Variants in CTNNA3 observed in about 807,000 individuals in gnomAD.
The protein encoded by CTNNA3 is catenin alpha-3.
In CTNNA3, 76 loss-of-function variants were observed where a neutral mutation model predicts 95.7. The observed-to-expected ratio is 0.79, with a 90% CI of 0.66 to 0.96. The LOEUF (loss-of-function observed/expected upper bound fraction) is 0.96. Among genes scored for constraint, CTNNA3 ranks in the 40% least tolerant of loss-of-function variants. CTNNA3 has a pLI of 0.00. For synonymous variants in CTNNA3, 431 were observed against 374.4 expected (o/e 1.15, Z -1.74); for missense variants, 1,191 against 1,089.8 (o/e 1.09, Z -1.31).
intron 13 of CTNNA3, among the ~76,000 whole-genome samples, chr10:66,113,916 C>T (rs2082213009): frequency 6.6e-6 from 1 of 152,002 alleles, no homozygotes; most frequent in South Asian, 2.1e-4. Context: ...TACCATTACT[C>T]TTCTTGATCT....
At chr10:66,346,365 G>A (rs1410094706) in intron 12 of CTNNA3, among the ~76,000 whole-genome samples, 1 of 150,280 alleles carries the variant, frequency 6.7e-6, no homozygotes, top group African/African-American at 2.4e-5. Flanking sequence ...TGCAACCCAC[G>A]CCTCCTGAGT....
chr10:67,594,829 A>G (rs1842890348), intron 3 of CTNNA3, among the ~76,000 whole-genome samples: 1 of 151,850 alleles, frequency 6.6e-6, no homozygotes, highest in Non-Finnish European at 1.5e-5. Flanking sequence ...TGCACCCATC[A>G]CTCGAGCAGT....
chr10:66,189,842 T>G (rs1460249790), intron 13 of CTNNA3, among the ~76,000 whole-genome samples: 2 of 151,970 alleles, frequency 1.3e-5, no homozygotes, highest in African/African-American at 4.8e-5. Flanking sequence ...CTTTAATATT[T>G]TTATGACAAG....
intron 11 of CTNNA3, among the ~76,000 whole-genome samples, chr10:66,419,376 G>A (rs190554251): frequency 2.0e-5 from 3 of 152,112 alleles, no homozygotes; most frequent in African/African-American, 7.2e-5. Context: ...AGAATCTGAT[G>A]AAAGAAATTG....
chr10:66,290,482 A>G (rs2091663162), intron 12 of CTNNA3, among the ~76,000 whole-genome samples: 1 of 152,128 alleles, frequency 6.6e-6, no homozygotes, highest in African/African-American at 2.4e-5. Flanking sequence ...ATACTTGAAA[A>G]GACTTTTCCT....
At chr10:67,104,945 A>AT (rs1858545820) in intron 7 of CTNNA3, among the ~76,000 whole-genome samples, 1 of 152,040 alleles carries the variant, frequency 6.6e-6, no homozygotes, top group African/African-American at 2.4e-5. Context: ...ACCATACAGA[A>AT]ATGTTATCTG....
At chr10:66,329,069 G>C (rs1027026596) in intron 12 of CTNNA3, among the ~76,000 whole-genome samples, 1 of 150,864 alleles carries the variant, frequency 6.6e-6, no homozygotes, top group African/African-American at 2.4e-5. Context: ...TCCGGCCTCA[G>C]CCTCTCGAGT....
At chr10:65,933,823 A>G (rs1164147581) in intron 17 of CTNNA3, among the ~76,000 whole-genome samples, 9 of 152,198 alleles carry the variant, frequency 5.9e-5, no homozygotes, top group Admixed American at 2.6e-4. Context: ...TATTCAGGCA[A>G]TTAAACCAGA....
At chr10:67,079,416 A>G (rs1368005022) in intron 7 of CTNNA3, among the ~76,000 whole-genome samples, 2 of 152,216 alleles carry the variant, frequency 1.3e-5, no homozygotes, top group Non-Finnish European at 2.9e-5. Context: ...TCTACATAAA[A>G]CATTTATTTC....
intron 1 of CTNNA3, among the ~76,000 whole-genome samples, chr10:67,753,086 A>G (rs1450162281): frequency 6.6e-6 from 1 of 152,218 alleles, no homozygotes; most frequent in Non-Finnish European, 1.5e-5. Context: ...GCAAGGCAAT[A>G]GTAACCAAAA....
chr10:66,772,189 G>C (rs184735547), intron 8 of CTNNA3, among the ~76,000 whole-genome samples: 41 of 152,256 alleles, frequency 2.7e-4, no homozygotes, highest in African/African-American at 9.1e-4. Context: ...ACTTTGGGAG[G>C]CCGAGGTGGG....
intron 14 of CTNNA3, among the ~76,000 whole-genome samples, chr10:66,087,051 T>C (rs2081011443): frequency 6.6e-6 from 1 of 152,022 alleles, no homozygotes; most frequent in Non-Finnish European, 1.5e-5. Flanking sequence ...AACATGGTGA[T>C]TCCTTCTTCC....
chr10:66,170,846 A>G (rs1389629577), intron 13 of CTNNA3, among the ~76,000 whole-genome samples: 1 of 152,118 alleles, frequency 6.6e-6, no homozygotes. Flanking sequence ...GAAATATCTA[A>G]CAAGGGGCTG....
chr10:66,644,828 G>T (rs1405710290), intron 9 of CTNNA3, among the ~76,000 whole-genome samples: 1 of 152,044 alleles, frequency 6.6e-6, no homozygotes, highest in African/African-American at 2.4e-5. Flanking sequence ...CACCACCGCA[G>T]TCAAGATGTT....
At chr10:67,182,163 CTT>C (rs1862585330) in intron 6 of CTNNA3, among the ~76,000 whole-genome samples, 1 of 152,144 alleles carries the variant, frequency 6.6e-6, no homozygotes, top group Non-Finnish European at 1.5e-5. Context: ...CTACCAATGA[CTT>C]TCTTCACAGA....
intron 3 of CTNNA3, among the ~76,000 whole-genome samples, chr10:67,550,934 T>C (rs565137110): frequency 9.9e-5 from 15 of 152,282 alleles, no homozygotes; most frequent in Middle Eastern, 3.4e-3. Context: ...CAGTCTATCA[T>C]AAATCTCAGC....
chr10:66,452,022 T>G (rs921851293), intron 11 of CTNNA3, among the ~76,000 whole-genome samples: 1 of 152,168 alleles, frequency 6.6e-6, no homozygotes, highest in Admixed American at 6.6e-5. Flanking sequence ...TATTTCTGAA[T>G]GGTTCCCTGG....
chr10:66,178,418 T>TATATATAC, intron 13 of CTNNA3, among the ~76,000 whole-genome samples: 5 of 56,622 alleles, frequency 8.8e-5, no homozygotes, highest in South Asian at 7.4e-4. Flanking sequence ...TATATATATA[T>TATATATAC]ATATATATAT....
At chr10:66,274,876 T>A (rs2091358159) in intron 13 of CTNNA3, among the ~76,000 whole-genome samples, 1 of 152,138 alleles carries the variant, frequency 6.6e-6, no homozygotes, top group African/African-American at 2.4e-5. Context: ...ATATGATCAA[T>A]CCCTTCAGAT....
Sources: allele counts gnomAD v4.1 joint callset (sites outside exome capture counted in the v4.1 genomes callset), GRCh38; gene constraint gnomAD v4.1.1; transcripts MANE v1.5; gene names NCBI Gene and HGNC (gene_info 2026-07-23, HGNC 2026-07-21).